Variants in PLPP1 observed in about 807,000 individuals in gnomAD.
PLPP1 encodes the protein phospholipid phosphatase 1.
A neutral mutation model predicts 31.2 loss-of-function variants in PLPP1; 24 were observed. The observed-to-expected ratio is 0.77, with a 90% CI of 0.56 to 1.08. The LOEUF (loss-of-function observed/expected upper bound fraction) is 1.08. Ranked by LOEUF, PLPP1 falls within the 50% of genes least tolerant of loss-of-function variation. The pLI is 0.00. For synonymous variants in PLPP1, 146 were observed against 126.3 expected (o/e 1.16, Z -1.05); for missense variants, 319 against 342.7 (o/e 0.93, Z 0.55).
At chr5:55,492,998 T>C (rs1159947737) in intron 1 of PLPP1, among the ~76,000 whole-genome samples, 1 of 152,114 alleles carries the variant, frequency 6.6e-6, no homozygotes, top group Non-Finnish European at 1.5e-5. Context: ...CTCAGTATAA[T>C]ACATGTTGTG....
intron 1 of PLPP1, among the ~76,000 whole-genome samples, chr5:55,526,977 T>G (rs943800877): frequency 6.8e-5 from 10 of 146,984 alleles, no homozygotes; most frequent in Non-Finnish European, 1.2e-4. Context: ...AAACAGCAAG[T>G]GGTCAGGATA....
intron 1 of PLPP1, among the ~76,000 whole-genome samples, chr5:55,524,357 C>A (rs577187562): frequency 6.6e-6 from 1 of 152,238 alleles, no homozygotes; most frequent in East Asian, 1.9e-4. Context: ...TTGCATGCAG[C>A]CTGTGGGCCA....
At chr5:55,458,466 C>A (rs1752070073) in intron 3 of PLPP1, among the ~76,000 whole-genome samples, 1 of 151,418 alleles carries the variant, frequency 6.6e-6, no homozygotes, top group African/African-American at 2.4e-5. Flanking sequence ...ATTGTAACCC[C>A]TAGAGAAACA....
intron 1 of PLPP1, among the ~76,000 whole-genome samples, chr5:55,526,751 T>C (rs1740459128): frequency 6.6e-6 from 1 of 151,726 alleles, no homozygotes. Context: ...GCTAACACGG[T>C]GAAACCCTGT....
chr5:55,425,038 C>CTGAG lies in PLPP1; in HGVS notation c.*164_*167dup. 3 of 936,916 alleles carry CTGAG rather than the reference C, an allele frequency of 3.2e-6. No individual in the cohort carries two copies. Among genetic ancestry groups the CTGAG allele is most frequent in the East Asian group, 4.9e-5 (2 of 41,062 alleles). 58.0% of individuals were successfully genotyped at this position (936,916 alleles called of 1,614,324 possible). ...TGAGTTTAGAGCTATTAGATAACCACTGAGTTAAAGGTAACTATGTACACA... is the reference window on the plus strand; with the variant it reads ...TGAGTTTAGAGCTATTAGATAACCACTGAGTGAGTTAAAGGTAACTATGTACACA... On this transcript the variant is annotated 3_prime_UTR_variant, in exon 6 of 6. Transcript: ENST00000307259.
chr5:55,425,050 T>C lies in PLPP1; in HGVS notation c.*156A>G. 1 of 1,031,080 alleles carries C rather than the reference T, an allele frequency of 9.7e-7. No individual in the cohort carries two copies. Among genetic ancestry groups the C allele is most frequent in the Admixed American group, 2.4e-5 (1 of 41,782 alleles). 63.9% of individuals were successfully genotyped at this position (1,031,080 alleles called of 1,614,324 possible). On this transcript the variant is annotated 3_prime_UTR_variant, in exon 6 of 6. Transcript: ENST00000307259. ...TATTAGATAACCACTGAGTTAAAGGTAACTATGTACACACAAAGTGTGCAT... is the reference window on the plus strand; with the variant it reads ...TATTAGATAACCACTGAGTTAAAGGCAACTATGTACACACAAAGTGTGCAT...
intron 4 of PLPP1, among the ~76,000 whole-genome samples, chr5:55,438,845 G>A (rs1751556085): frequency 6.6e-6 from 1 of 151,738 alleles, no homozygotes; most frequent in Non-Finnish European, 1.5e-5. Flanking sequence ...AGCTTGCAGT[G>A]AGCCGAGATC....
intron 3 of PLPP1, among the ~76,000 whole-genome samples, chr5:55,443,795 G>C (rs1403307675): frequency 6.6e-6 from 1 of 152,192 alleles, no homozygotes; most frequent in East Asian, 1.9e-4. Context: ...GACTTTGACA[G>C]ACAGGGATTA....
intron 4 of PLPP1, among the ~76,000 whole-genome samples, chr5:55,428,737 G>C (rs1302227094): frequency 6.6e-6 from 1 of 152,166 alleles, no homozygotes; most frequent in Non-Finnish European, 1.5e-5. Flanking sequence ...TAGTAAAAAG[G>C]CTGTATAGGT....
At chr5:55,490,679 A>T (rs562954972) in intron 1 of PLPP1, among the ~76,000 whole-genome samples, 2 of 152,230 alleles carry the variant, frequency 1.3e-5, no homozygotes, top group East Asian at 3.9e-4. Flanking sequence ...TCATTTGTTT[A>T]CTGAGAGGAG....
chr5:55,516,117 A>G (rs1279589622), intron 1 of PLPP1, among the ~76,000 whole-genome samples: 1 of 152,070 alleles, frequency 6.6e-6, no homozygotes, highest in Non-Finnish European at 1.5e-5. Flanking sequence ...TATTCTTGAC[A>G]TTTCTCTCTC....
At chr5:55,441,576 G>A (rs182880175) in intron 4 of PLPP1, among the ~76,000 whole-genome samples, 68 of 152,290 alleles carry the variant, frequency 4.5e-4, no homozygotes, top group Admixed American at 1.9e-3. Context: ...TTAGGGAGGA[G>A]GTTAACAAGC....
At chr5:55,477,933 T>C (rs1193198848) in intron 1 of PLPP1, among the ~76,000 whole-genome samples, 7 of 151,524 alleles carry the variant, frequency 4.6e-5, no homozygotes, top group Non-Finnish European at 8.8e-5. Context: ...TGAGCCGAGA[T>C]TGTGCCATGG....
chr5:55,450,012 T>C (rs546584133), intron 3 of PLPP1, among the ~76,000 whole-genome samples: 2 of 152,316 alleles, frequency 1.3e-5, no homozygotes, highest in Admixed American at 1.3e-4. Context: ...TTGAACCACC[T>C]AGAAAGTGAG....
At chr5:55,441,744 A>G in intron 4 of PLPP1, 107 bp downstream of exon 4, 3 of 1,170,042 alleles carry the variant, frequency 2.6e-6, no homozygotes, top group Non-Finnish European at 3.8e-6. Context: ...CATCTGTTTC[A>G]CCTTTTGCTA....
chr5:55,508,270 C>T (rs1413593313), intron 1 of PLPP1, among the ~76,000 whole-genome samples: 1 of 152,228 alleles, frequency 6.6e-6, no homozygotes, highest in Non-Finnish European at 1.5e-5. Flanking sequence ...TTTCTTCCCA[C>T]TTCCCATTCT....
chr5:55,471,432 CT>C (rs1752413464), intron 2 of PLPP1, among the ~76,000 whole-genome samples: 1 of 152,156 alleles, frequency 6.6e-6, no homozygotes, highest in African/African-American at 2.4e-5. Flanking sequence ...GAACTCCTGA[CT>C]TTGTGATCCA....
intron 1 of PLPP1, among the ~76,000 whole-genome samples, chr5:55,522,747 G>A (rs1017382061): frequency 4.0e-5 from 6 of 150,046 alleles, no homozygotes; most frequent in Admixed American, 1.3e-4. Flanking sequence ...TTTTTGAGAC[G>A]GAGCCTCACT....
intron 2 of PLPP1, chr5:55,468,379 G>C: frequency 2.5e-6 from 1 of 394,976 alleles, no homozygotes; most frequent in Non-Finnish European, 4.5e-6. Context: ...CCATGGCTGG[G>C]ACAAAATTAT....
Sources: gnomAD v4.1 joint callset for allele counts (sites outside exome capture counted in the v4.1 genomes callset) on GRCh38, gnomAD v4.1.1 for gene constraint, MANE v1.5 for transcripts, NCBI Gene and HGNC (gene_info 2026-07-23, HGNC 2026-07-21) for gene names.